Variants in PTER observed in about 807,000 individuals in gnomAD.
PTER encodes phosphotriesterase related.
PTER carries 38 observed loss-of-function variants against 29.6 expected under a neutral mutation model. That is an observed-to-expected ratio of 1.28 (90% CI 0.99 to 1.68). The LOEUF is 1.68. Ranked by LOEUF, PTER falls within the 40% of genes most tolerant of loss-of-function variation. The probability of loss-of-function intolerance (pLI) is 0.00; values close to 1 mark genes in which losing one functional copy is unlikely to be tolerated. For synonymous variants in PTER, 172 were observed against 154.5 expected (o/e 1.11, Z -0.84); for missense variants, 482 against 427.8 (o/e 1.13, Z -1.12).
chr10:16,505,043 T>A lies in PTER; in HGVS notation c.722T>A (p.Leu241His). The A allele has an allele frequency of 6.2e-7, 1 of 1,614,010 alleles. No homozygotes were observed. Among genetic ancestry groups the A allele is most frequent in the Non-Finnish European group, 8.5e-7 (1 of 1,179,920 alleles). The change falls in exon 4 of 5, where the codon CTC becomes CAC. Residue 241 changes from leucine (L) to histidine (H), a missense_variant. Physicochemically the swap from Leu to His is moderately conservative, Grantham distance 99. Coordinates refer to ENST00000535784, the MANE Select transcript of PTER (RefSeq NM_001261836.2). ...AGGACTATTCTTGATAAGAAAGAGC[T>A]CTTGGAGTTTGCTCAACTTGGCTGC... ...LDRTILDKKE[L>H]LEFAQLGCYL...
At chr10:16,473,426 TCTC>T (rs1453588620) in intron 1 of PTER, among the ~76,000 whole-genome samples, 1 of 147,348 alleles carries the variant, frequency 6.8e-6, no homozygotes, top group Non-Finnish European at 1.5e-5. Flanking sequence ...AAAAATTAGT[TCTC>T]CTAGCGCTTG....
At chr10:16,517,597 T>C (rs1836972499), downstream of PTER, among the ~76,000 whole-genome samples, 9 of 152,200 alleles carry the variant, frequency 5.9e-5, no homozygotes, top group Admixed American at 5.9e-4. Context: ...GTTGAACTTT[T>C]ACCTTTAATA....
chr10:16,508,525 G>A (rs953477989), intron 4 of PTER, among the ~76,000 whole-genome samples: 30 of 152,104 alleles, frequency 2.0e-4, no homozygotes, highest in African/African-American at 4.6e-4. Flanking sequence ...AAGAAGATCC[G>A]TAAAGGGGCA....
At chr10:16,509,548 G>A (rs967145239) in intron 4 of PTER, among the ~76,000 whole-genome samples, 6 of 152,190 alleles carry the variant, frequency 3.9e-5, no homozygotes, top group African/African-American at 7.2e-5. Context: ...GGGAGAAAGT[G>A]TTTCCTAAAA....
At chr10:16,451,778 A>G (rs947892238) in intron 1 of PTER, among the ~76,000 whole-genome samples, 1 of 152,180 alleles carries the variant, frequency 6.6e-6, no homozygotes. Flanking sequence ...AAGTCAGTCT[A>G]TATATCTGAT....
chr10:16,501,814 T>A lies in PTER; in HGVS notation c.699-3206T>A, dbSNP rs997107368. On this transcript the variant is annotated intron_variant, in intron 3 of 4. Coordinates refer to ENST00000535784, the MANE Select transcript of PTER (RefSeq NM_001261836.2). The stretch of plus-strand genomic sequence containing the variant: ...TGAGATGAATTTAAATTCTAGCACA[T>A]CACCTTGAGTGACTATCTAATCAAG... 2.0e-5 allele frequency among the ~76,000 whole-genome samples: 3 copies of A among 152,232 alleles called. No homozygotes were observed. In the East Asian group the frequency reaches 5.8e-4, roughly 29 times the overall value.
downstream of PTER, among the ~76,000 whole-genome samples, chr10:16,516,281 T>C (rs988835216): frequency 5.9e-5 from 9 of 152,294 alleles, no homozygotes; most frequent in East Asian, 1.7e-3. Flanking sequence ...TTTTGACCAT[T>C]AAATAATGAC....
chr10:16,512,783 T>C lies in PTER; in HGVS notation c.*1527T>C, dbSNP rs539450051. Reference sequence around the variant, plus strand: ...AAGCAAATTTTTAAAATCTCTGTTTTTGAAATCTACTCGTCAAAGAGTTTT... The same window carrying C: ...AAGCAAATTTTTAAAATCTCTGTTTCTGAAATCTACTCGTCAAAGAGTTTT... On this transcript the variant is annotated 3_prime_UTR_variant, in exon 5 of 5. Transcript: ENST00000535784. 6.5e-6 allele frequency: 1 copy of C among 152,688 alleles called. No individual in the cohort carries two copies. Among genetic ancestry groups the C allele is most frequent in the Non-Finnish European group, 1.5e-5 (1 of 67,992 alleles). 9.5% of individuals were successfully genotyped at this position (152,688 alleles called of 1,614,324 possible).
chr10:16,468,162 C>T (rs550783353), intron 1 of PTER, among the ~76,000 whole-genome samples: 4 of 151,922 alleles, frequency 2.6e-5, no homozygotes, highest in Non-Finnish European at 5.9e-5. Flanking sequence ...GCCAACATGG[C>T]GAAACCCCGT....
At chr10:16,463,602 G>A (rs558952809) in intron 1 of PTER, among the ~76,000 whole-genome samples, 3 of 151,576 alleles carry the variant, frequency 2.0e-5, no homozygotes, top group African/African-American at 7.3e-5. Context: ...TTTTAGTAGA[G>A]ACACGGTTTC....
At chr10:16,506,690 G>C (rs2133509732) in intron 4 of PTER, among the ~76,000 whole-genome samples, 1 of 152,224 alleles carries the variant, frequency 6.6e-6, no homozygotes, top group East Asian at 1.9e-4. Context: ...AAGTCTTAGT[G>C]AGGGAAACAG....
chr10:16,471,937 A>G (rs1286241406), intron 1 of PTER, among the ~76,000 whole-genome samples: 2 of 152,230 alleles, frequency 1.3e-5, no homozygotes, highest in African/African-American at 4.8e-5. Context: ...ATTACTTTTC[A>G]GACAAGTTGG....
chr10:16,483,344 C>T (rs748433430), intron 1 of PTER, among the ~76,000 whole-genome samples: 1 of 152,156 alleles, frequency 6.6e-6, no homozygotes, highest in African/African-American at 2.4e-5. Flanking sequence ...GTGCCCTAGA[C>T]AATCAAGCAT....
chr10:16,455,659 C>G (rs1834368465), intron 1 of PTER, among the ~76,000 whole-genome samples: 1 of 152,194 alleles, frequency 6.6e-6, no homozygotes, highest in South Asian at 2.1e-4. Flanking sequence ...CCACTGCACT[C>G]TAGCCTGGGC....
At chr10:16,457,511 C>T (rs1034955439) in intron 1 of PTER, among the ~76,000 whole-genome samples, 1 of 152,084 alleles carries the variant, frequency 6.6e-6, no homozygotes, top group African/African-American at 2.4e-5. Flanking sequence ...CTGTGCCCGG[C>T]CCCTTTAGTT....
At chr10:16,440,282 G>A (rs1833801728) in intron 1 of PTER, among the ~76,000 whole-genome samples, 1 of 151,624 alleles carries the variant, frequency 6.6e-6, no homozygotes, top group Non-Finnish European at 1.5e-5. Context: ...TGATCAGGCT[G>A]CTCTTGAACT....
chr10:16,442,541 G>A (rs978481327), intron 1 of PTER, among the ~76,000 whole-genome samples: 1 of 152,078 alleles, frequency 6.6e-6, no homozygotes, highest in African/African-American at 2.4e-5. Flanking sequence ...AGGCCAAGGC[G>A]GGAGGATTGC....
At position 16,511,486 on chromosome 10, in the gene PTER, C is replaced by T. The variant is rs781527953; in HGVS notation, c.*230C>T. 2 of 532,886 alleles carry T rather than the reference C, an allele frequency of 3.8e-6. No homozygotes were observed. Among genetic ancestry groups the T allele is most frequent in the Non-Finnish European group, 6.7e-6 (2 of 297,946 alleles). The allele number at this position is 532,886 out of a possible 1,614,324, so 33.0% of individuals were successfully genotyped here. ...TTATTTTAACTTAACAAAATAAATA[C>T]AGAAGTACCTATTTCTAAACAATGA... is the stretch of plus-strand genomic sequence containing the variant. On this transcript the variant is annotated 3_prime_UTR_variant, in exon 5 of 5. Coordinates refer to ENST00000535784, the MANE Select transcript of PTER (RefSeq NM_001261836.2).
intron 4 of PTER, among the ~76,000 whole-genome samples, chr10:16,510,192 C>T (rs960154158): frequency 7.2e-5 from 11 of 152,082 alleles, no homozygotes; most frequent in African/African-American, 2.4e-4. Flanking sequence ...CAGACACTGC[C>T]CAGAGTCCAG....
Sources: allele counts gnomAD v4.1 joint callset (sites outside exome capture counted in the v4.1 genomes callset), GRCh38; gene constraint gnomAD v4.1.1; transcripts MANE v1.5; gene names NCBI Gene and HGNC (gene_info 2026-07-23, HGNC 2026-07-21).